Variants in WDPCP observed in about 807,000 individuals in gnomAD.
WDPCP encodes the protein WD repeat containing planar cell polarity effector.
WDPCP carries 71 observed loss-of-function variants against 93.1 expected under a neutral mutation model. The ratio of observed to expected loss-of-function variants is 0.76; its 90% CI spans 0.63 to 0.93. The LOEUF (loss-of-function observed/expected upper bound fraction) is 0.93, where lower values mean the gene tolerates loss of function less well. Ranked by LOEUF, WDPCP falls within the 40% of genes least tolerant of loss-of-function variation. WDPCP has a pLI of 0.00. For synonymous variants in WDPCP, 315 were observed against 315.0 expected, an observed-to-expected ratio of 1.00 and a Z score of 0.00; for missense variants, 844 against 887.4, an observed-to-expected ratio of 0.95 and a Z score of 0.62.
chr2:63,653,710 T>A (rs1286679776), intron 2 of WDPCP, among the ~76,000 whole-genome samples: 2 of 151,980 alleles, frequency 1.3e-5, no homozygotes, highest in East Asian at 3.9e-4. Context: ...CAGGAGTTCG[T>A]GACCAGCCGG....
At chr2:63,695,940 A>G (rs1668954396) in intron 2 of WDPCP, among the ~76,000 whole-genome samples, 1 of 152,144 alleles carries the variant, frequency 6.6e-6, no homozygotes, top group South Asian at 2.1e-4. Flanking sequence ...CACTCACTTG[A>G]TAGAAACAAA....
At chr2:63,555,877 G>C (rs1026139744) in intron 1 of WDPCP, among the ~76,000 whole-genome samples, 1 of 152,090 alleles carries the variant, frequency 6.6e-6, no homozygotes, top group South Asian at 2.1e-4. Flanking sequence ...ATTGAAGCTA[G>C]ACAAACTCAC....
At chr2:63,555,990 G>C (rs546392118) in intron 1 of WDPCP, among the ~76,000 whole-genome samples, 1 of 152,168 alleles carries the variant, frequency 6.6e-6, no homozygotes, top group Non-Finnish European at 1.5e-5. Flanking sequence ...ACTGGATGGA[G>C]GCTGAGATGG....
At chr2:63,193,752 A>T (rs1675214966) in intron 14 of WDPCP, among the ~76,000 whole-genome samples, 1 of 152,230 alleles carries the variant, frequency 6.6e-6, no homozygotes, top group Admixed American at 6.5e-5. Flanking sequence ...TTAAAAAAGT[A>T]AACATTAAAA....
intron 3 of WDPCP, among the ~76,000 whole-genome samples, chr2:63,631,056 G>A (rs1178023474): frequency 6.6e-6 from 1 of 152,124 alleles, no homozygotes; most frequent in Non-Finnish European, 1.5e-5. Flanking sequence ...CTAGGTGGAT[G>A]GAACACCTGA....
chr2:63,468,272 C>G lies in WDPCP; in HGVS notation c.384+16332G>C, dbSNP rs372688495. Among the ~76,000 whole-genome samples the G allele has an allele frequency of 1.1e-4, 16 of 152,298 alleles. No homozygotes were observed. In the East Asian group the frequency reaches 2.3e-3, roughly 22 times the overall value. ...TCTTCATCATCTTTCACATCTCCCC[C>G]ACAAATCTCTCACATGGCTAGTACT... On this transcript the variant is annotated intron_variant, in intron 6 of 17. Coordinates refer to ENST00000272321, the MANE Select transcript of WDPCP (RefSeq NM_015910.7).
At chr2:63,755,635 T>C (rs1037985816) in intron 2 of WDPCP, among the ~76,000 whole-genome samples, 9 of 152,228 alleles carry the variant, frequency 5.9e-5, no homozygotes, top group Non-Finnish European at 1.0e-4. Context: ...ATTGTTCTTG[T>C]CTATAGAATC....
intron 2 of WDPCP, among the ~76,000 whole-genome samples, chr2:63,682,963 G>A (rs1477007943): frequency 6.6e-6 from 1 of 152,162 alleles, no homozygotes; most frequent in African/African-American, 2.4e-5. Context: ...TGAAGTTATA[G>A]TTTTTATTAG....
chr2:63,635,935 A>G (rs1709915806), intron 3 of WDPCP, among the ~76,000 whole-genome samples: 1 of 152,192 alleles, frequency 6.6e-6, no homozygotes. Flanking sequence ...TGCAGATGAT[A>G]TGGTCTTGTA....
rs142499283 is a variant in WDPCP at position 63,480,738 on chromosome 2, A to C, written c.384+3866T>G. Among the ~76,000 whole-genome samples, 579 of 152,320 alleles carry C rather than the reference A, an allele frequency of 3.8e-3. 4 individuals carry two copies. Among genetic ancestry groups the C allele is most frequent in the African/African-American group, 0.013 (542 of 41,582 alleles). ...CTCACCTTATACAAAAATCAACTTA[A>C]GATGGATTAAGGACTTACACCTAAG... On this transcript the variant is annotated intron_variant, in intron 6 of 17. Transcript: ENST00000272321.
intron 14 of WDPCP, among the ~76,000 whole-genome samples, chr2:63,190,961 A>G (rs1674997668): frequency 6.6e-6 from 1 of 152,236 alleles, no homozygotes; most frequent in Non-Finnish European, 1.5e-5. Flanking sequence ...GCTCGGAAGC[A>G]TGAATTACCT....
At chr2:63,827,154 CA>C (rs1671125321) in intron 1 of WDPCP, among the ~76,000 whole-genome samples, 1 of 151,860 alleles carries the variant, frequency 6.6e-6, no homozygotes, top group African/African-American at 2.4e-5. Context: ...TCAATAAACC[CA>C]AAAAAATGAG....
At chr2:63,258,193 G>GTGA (rs1239029909) in intron 14 of WDPCP, among the ~76,000 whole-genome samples, 1 of 152,168 alleles carries the variant, frequency 6.6e-6, no homozygotes, top group African/African-American at 2.4e-5. Context: ...ACAAGATATA[G>GTGA]TGATAGGTCA....
At chr2:63,181,599 C>T (rs975419389) in intron 14 of WDPCP, among the ~76,000 whole-genome samples, 8 of 151,904 alleles carry the variant, frequency 5.3e-5, no homozygotes, top group African/African-American at 1.7e-4. Context: ...ACTGTAACCT[C>T]ATAGTATAAT....
At chr2:63,128,928 A>G (rs1049165467) in intron 17 of WDPCP, among the ~76,000 whole-genome samples, 5 of 152,158 alleles carry the variant, frequency 3.3e-5, no homozygotes, top group Non-Finnish European at 7.4e-5. Context: ...TTGGCCTCTG[A>G]AAGTGCTGGG....
At chr2:63,599,424 A>C in intron 3 of WDPCP, 6 of 850,454 alleles carry the variant, frequency 7.1e-6, no homozygotes, top group South Asian at 2.2e-5. Flanking sequence ...ACTTTTATTA[A>C]ATTAAAAGTA....
At chr2:63,212,659 AG>A (rs1437990879) in intron 14 of WDPCP, among the ~76,000 whole-genome samples, 2 of 152,208 alleles carry the variant, frequency 1.3e-5, no homozygotes, top group African/African-American at 4.8e-5. Flanking sequence ...CCCAATTAAA[AG>A]ACACAGACTG....
chr2:63,135,795 G>C (rs779117138), intron 17 of WDPCP, among the ~76,000 whole-genome samples: 1 of 152,092 alleles, frequency 6.6e-6, no homozygotes, highest in Non-Finnish European at 1.5e-5. Context: ...GCAGAGGTGT[G>C]ATTATGGCCT....
chr2:63,149,201 G>T (rs992576318), intron 17 of WDPCP, among the ~76,000 whole-genome samples: 4 of 152,058 alleles, frequency 2.6e-5, no homozygotes. Flanking sequence ...GGAAAAATGA[G>T]TAAAACATAG....
Sources: allele counts gnomAD v4.1 joint callset (sites outside exome capture counted in the v4.1 genomes callset), GRCh38; gene constraint gnomAD v4.1.1; transcripts MANE v1.5; gene names NCBI Gene and HGNC (gene_info 2026-07-23, HGNC 2026-07-21).